RAD51B: variants seen among roughly 807,000 people sequenced by gnomAD.
The protein encoded by RAD51B is RAD51 paralog B.
RAD51B carries 38 observed loss-of-function variants against 42.2 expected under a neutral mutation model. The ratio of observed to expected loss-of-function variants is 0.90; its 90% confidence interval spans 0.70 to 1.18. RAD51B has a LOEUF of 1.18. RAD51B is among the 50% of genes most tolerant of loss of function. RAD51B has a pLI of 0.00. For synonymous variants in RAD51B, 154 were observed against 145.2 expected, an observed-to-expected ratio of 1.06 and a Z score of -0.43; for missense variants, 373 against 400.7, an observed-to-expected ratio of 0.93 and a Z score of 0.59.
chr14:68,435,751 TG>T (rs1026239838), intron 9 of RAD51B, among the ~76,000 whole-genome samples: 39 of 152,202 alleles, frequency 2.6e-4, no homozygotes, highest in African/African-American at 9.4e-4. Flanking sequence ...ATTGTGGTTT[TG>T]ATTTACATTT....
chr14:68,391,913 G>A (rs1189655584), intron 8 of RAD51B, among the ~76,000 whole-genome samples: 1 of 152,130 alleles, frequency 6.6e-6, no homozygotes, highest in African/African-American at 2.4e-5. Flanking sequence ...TCATTATTCT[G>A]GTTGCGGGGG....
At chr14:68,617,194 C>T (rs945365929) in intron 10 of RAD51B, among the ~76,000 whole-genome samples, 1 of 152,114 alleles carries the variant, frequency 6.6e-6, no homozygotes, top group Non-Finnish European at 1.5e-5. Flanking sequence ...TTTAAATCCT[C>T]CTTTAAGGAG....
chr14:68,641,591 ATTCT>A (rs1342356517), intron 10 of RAD51B, among the ~76,000 whole-genome samples: 1 of 109,464 alleles, frequency 9.1e-6, no homozygotes, highest in Non-Finnish European at 2.1e-5. Context: ...TTTTGTAGAT[ATTCT>A]TTATCATGTT....
intron 8 of RAD51B, among the ~76,000 whole-genome samples, chr14:68,391,661 C>G (rs2083762838): frequency 6.6e-6 from 1 of 151,956 alleles, no homozygotes; most frequent in Non-Finnish European, 1.5e-5. Flanking sequence ...ATCATGAAGC[C>G]TTTGACTTTC....
intron 4 of RAD51B, 37 bp downstream of exon 4, chr14:67,835,233 CT>C: frequency 7.1e-7 from 1 of 1,406,050 alleles, no homozygotes; most frequent in Non-Finnish European, 1.0e-6. Context: ...TTCCATTGAC[CT>C]ATAACCTTCA....
At chr14:68,653,918 T>C (rs1187399364) in intron 11 of RAD51B, among the ~76,000 whole-genome samples, 1 of 152,252 alleles carries the variant, frequency 6.6e-6, no homozygotes, top group Non-Finnish European at 1.5e-5. Flanking sequence ...TGGCAGCTAC[T>C]GGGTAGGAAC....
chr14:68,192,031 A>G (rs1044424501), intron 7 of RAD51B, among the ~76,000 whole-genome samples: 5 of 152,178 alleles, frequency 3.3e-5, no homozygotes, highest in African/African-American at 1.2e-4. Context: ...TGAAATTGCA[A>G]CATTACTGAC....
intron 7 of RAD51B, chr14:68,130,270 C>G (rs1023404106): frequency 1.4e-4 from 22 of 152,310 alleles, no homozygotes; most frequent in Admixed American, 7.2e-4. Context: ...GTCTATGTAG[C>G]AATTGATTTT....
At chr14:68,376,479 G>T (rs374858988) in intron 8 of RAD51B, among the ~76,000 whole-genome samples, 2 of 152,192 alleles carry the variant, frequency 1.3e-5, no homozygotes, top group African/African-American at 4.8e-5. Context: ...AGAATGAATG[G>T]TCTGATGTCA....
chr14:68,622,817 G>T (rs926129807), intron 10 of RAD51B, among the ~76,000 whole-genome samples: 3 of 151,848 alleles, frequency 2.0e-5, no homozygotes, highest in African/African-American at 7.3e-5. Flanking sequence ...AATTTTAGAG[G>T]TGTTTATGCT....
chr14:67,830,967 C>A (rs1169720913), intron 3 of RAD51B, among the ~76,000 whole-genome samples: 1 of 149,860 alleles, frequency 6.7e-6, no homozygotes, highest in African/African-American at 2.5e-5. Context: ...GCCCAGGCTC[C>A]CACGTTCAAG....
chr14:68,567,429 C>T lies in RAD51B; in HGVS notation c.1037-27056C>T, dbSNP rs116127671. 5.7e-3 allele frequency among the ~76,000 whole-genome samples: 868 copies of T among 152,336 alleles called. 7 individuals carry two copies. Among genetic ancestry groups the T allele is most frequent in the African/African-American group, 0.02 (818 of 41,564 alleles). ...CATGTACAGCCTTTTCCTCTCTCAA[C>T]ATCCCACACCAGAGTGGTACATTTG... On this transcript the variant is annotated intron_variant, in intron 10 of 10. Transcript: ENST00000487270.
At chr14:68,421,681 TA>T in intron 9 of RAD51B, 1 of 1,558,502 alleles carries the variant, frequency 6.4e-7, no homozygotes, top group Non-Finnish European at 8.7e-7. Context: ...GTGGTTAAGA[TA>T]AAACACAAGT....
chr14:68,567,064 C>G (rs551939167), intron 10 of RAD51B, among the ~76,000 whole-genome samples: 1 of 152,244 alleles, frequency 6.6e-6, no homozygotes, highest in Non-Finnish European at 1.5e-5. Context: ...CTTTGGAAGG[C>G]CGAGGCGGGT....
chr14:68,063,081 T>C (rs1281524245), intron 7 of RAD51B, among the ~76,000 whole-genome samples: 3 of 152,104 alleles, frequency 2.0e-5, no homozygotes, highest in Non-Finnish European at 4.4e-5. Flanking sequence ...CTGTATTAGT[T>C]GTAATGTCTC....
intron 10 of RAD51B, among the ~76,000 whole-genome samples, chr14:68,486,114 G>A (rs1190423333): frequency 6.6e-6 from 1 of 152,246 alleles, no homozygotes; most frequent in Non-Finnish European, 1.5e-5. Context: ...GAGTCTAGGA[G>A]TGAAGGAGAG....
At chr14:68,162,063 A>G (rs1466300071) in intron 7 of RAD51B, among the ~76,000 whole-genome samples, 2 of 152,158 alleles carry the variant, frequency 1.3e-5, no homozygotes, top group Non-Finnish European at 2.9e-5. Context: ...AGGTTAAGAA[A>G]CCCTGCTTTT....
chr14:68,493,506 A>T (rs1052257886), intron 10 of RAD51B, among the ~76,000 whole-genome samples: 1 of 152,232 alleles, frequency 6.6e-6, no homozygotes, highest in African/African-American at 2.4e-5. Context: ...GCCATTTTAC[A>T]TAGATAGAAA....
intron 10 of RAD51B, among the ~76,000 whole-genome samples, chr14:68,556,996 C>T (rs894331257): frequency 1.3e-5 from 2 of 152,180 alleles, no homozygotes; most frequent in African/African-American, 4.8e-5. Context: ...CCTGTGTTCC[C>T]CAGCCCTACC....
Sources: gnomAD v4.1 joint callset for allele counts (sites outside exome capture counted in the v4.1 genomes callset) on GRCh38, gnomAD v4.1.1 for gene constraint, MANE v1.5 for transcripts, NCBI Gene and HGNC (gene_info 2026-07-23, HGNC 2026-07-21) for gene names.